TSPAN18: variants seen among roughly 807,000 people sequenced by gnomAD.
The protein encoded by TSPAN18 is tetraspanin 18.
TSPAN18 carries 14 observed loss-of-function variants against 27.3 expected under a neutral mutation model. That is an observed-to-expected ratio of 0.51 (90% CI 0.34 to 0.80). The LOEUF is 0.80. Among genes scored for constraint, TSPAN18 ranks in the 30% least tolerant of loss-of-function variants. TSPAN18 has a pLI of 0.01. For missense variants in TSPAN18, 268 were observed against 323.9 expected (o/e 0.83, Z 1.32); for synonymous variants, 143 against 136.5 (o/e 1.05, Z -0.33).
At chr11:44,888,076 A>G (rs1037887766) in intron 3 of TSPAN18, among the ~76,000 whole-genome samples, 4 of 152,164 alleles carry the variant, frequency 2.6e-5, no homozygotes, top group Non-Finnish European at 5.9e-5. Context: ...GAAGCGGCAG[A>G]AACTGAGTCA....
At chr11:44,909,922 C>G in intron 5 of TSPAN18, 23 bp downstream of exon 5, 2 of 1,594,062 alleles carry the variant, frequency 1.3e-6, no homozygotes, top group South Asian at 2.2e-5. Flanking sequence ...GCCCCCACCC[C>G]ATCCATGGGT....
At chr11:44,833,815 G>A (rs1857206339) in intron 2 of TSPAN18, among the ~76,000 whole-genome samples, 1 of 151,834 alleles carries the variant, frequency 6.6e-6, no homozygotes, top group Non-Finnish European at 1.5e-5. Flanking sequence ...CACCTGGTGG[G>A]TCTCTGGGAT....
intron 2 of TSPAN18, among the ~76,000 whole-genome samples, chr11:44,794,785 T>C (rs962039255): frequency 1.3e-5 from 2 of 152,176 alleles, no homozygotes; most frequent in East Asian, 3.9e-4. Flanking sequence ...CTCAGCTTCT[T>C]CATCTATAAA....
At chr11:44,761,234 G>A (rs545542124) in intron 1 of TSPAN18, among the ~76,000 whole-genome samples, 1 of 152,272 alleles carries the variant, frequency 6.6e-6, no homozygotes, top group South Asian at 2.1e-4. Flanking sequence ...AGACTAATCG[G>A]GTCAAGGGTG....
At chr11:44,735,174 C>T (rs1018167592) in intron 1 of TSPAN18, among the ~76,000 whole-genome samples, 5 of 152,188 alleles carry the variant, frequency 3.3e-5, no homozygotes, top group Non-Finnish European at 5.9e-5. Context: ...GACTCAGGCA[C>T]GGAGGCCAGG....
intron 3 of TSPAN18, among the ~76,000 whole-genome samples, chr11:44,898,984 A>T (rs1488003181): frequency 6.6e-6 from 1 of 152,156 alleles, no homozygotes; most frequent in Non-Finnish European, 1.5e-5. Flanking sequence ...TAAGCACAGG[A>T]CCTTCCCATG....
Position 44,919,796 on chromosome 11 carries a change from TTCTCTGGGA to T in TSPAN18, c.433-16_433-8del. ...TGTCCTCCTCCTGCCCACCAGAACC[TTCTCTGGGA>T]TCTCCCCCTAGTTTGGTTGCTGCGG... On this transcript the variant is annotated splice_polypyrimidine_tract_variant and intron_variant, in intron 7 of 9. Transcript: ENST00000520358. 2 of 1,613,678 alleles carry T rather than the reference TTCTCTGGGA, an allele frequency of 1.2e-6. No individual in the cohort carries two copies. Among genetic ancestry groups the T allele is most frequent in the Non-Finnish European group, 1.7e-6 (2 of 1,179,648 alleles).
In TSPAN18 at chr11:44,928,247, G is replaced by A. The variant is rs1031510533; in HGVS notation, c.700-884G>A. On this transcript the variant is annotated intron_variant, in intron 9 of 9. Transcript: ENST00000520358. Reference sequence around the variant, plus strand: ...GCTCATAACTCCGGGAAGGGCTGCAGCTGCCTGCCTATTCATAGCAGTCCT... The same window carrying A: ...GCTCATAACTCCGGGAAGGGCTGCAACTGCCTGCCTATTCATAGCAGTCCT... Among the ~76,000 whole-genome samples the A allele has an allele frequency of 3.3e-5, 5 of 152,266 alleles. No individual in the cohort carries two copies. In the South Asian group the frequency reaches 1.0e-3, roughly 31 times the overall value.
intron 2 of TSPAN18, among the ~76,000 whole-genome samples, chr11:44,816,649 G>C (rs1471061437): frequency 6.6e-6 from 1 of 152,210 alleles, no homozygotes; most frequent in Non-Finnish European, 1.5e-5. Flanking sequence ...ATGAGTTGAT[G>C]AGAAGCTGGT....
At chr11:44,767,015 C>T (rs906241702) in intron 2 of TSPAN18, among the ~76,000 whole-genome samples, 1 of 152,168 alleles carries the variant, frequency 6.6e-6, no homozygotes, top group Non-Finnish European at 1.5e-5. Context: ...ATAGTGTAGC[C>T]TCCCAAGGTG....
intron 3 of TSPAN18, among the ~76,000 whole-genome samples, chr11:44,888,590 G>A (rs1858738780): frequency 6.6e-6 from 1 of 152,190 alleles, no homozygotes; most frequent in Admixed American, 6.5e-5. Flanking sequence ...CTGGGGCTGG[G>A]CTTGGCTTGG....
intron 9 of TSPAN18, among the ~76,000 whole-genome samples, chr11:44,928,666 G>C (rs1350077654): frequency 6.6e-6 from 1 of 152,138 alleles, no homozygotes; most frequent in East Asian, 1.9e-4. Context: ...CATGCCTGTA[G>C]TCCCAGCTAC....
At chr11:44,741,445 G>GTA (rs757529515) in intron 1 of TSPAN18, among the ~76,000 whole-genome samples, 2 of 136,074 alleles carry the variant, frequency 1.5e-5, no homozygotes, top group South Asian at 2.4e-4. Context: ...TCTCAGACAT[G>GTA]TATGTGTGTG....
intron 5 of TSPAN18, among the ~76,000 whole-genome samples, chr11:44,914,081 C>T (rs1859819473): frequency 6.6e-6 from 1 of 152,242 alleles, no homozygotes; most frequent in Non-Finnish European, 1.5e-5. Flanking sequence ...GGCCCACTTC[C>T]TCCAGTCCAC....
intron 2 of TSPAN18, among the ~76,000 whole-genome samples, chr11:44,796,419 G>T (rs1390864877): frequency 1.3e-5 from 2 of 152,106 alleles, no homozygotes; most frequent in African/African-American, 2.4e-5. Flanking sequence ...TGCCATGGAA[G>T]AATTATTCTC....
chr11:44,924,544 T>A (rs1237121074), intron 8 of TSPAN18, among the ~76,000 whole-genome samples: 1 of 152,066 alleles, frequency 6.6e-6, no homozygotes, highest in Non-Finnish European at 1.5e-5. Context: ...GTGTGTGTGT[T>A]GGGGCTGCAG....
chr11:44,910,987 T>G (rs191170645), intron 5 of TSPAN18, among the ~76,000 whole-genome samples: 10 of 152,300 alleles, frequency 6.6e-5, no homozygotes, highest in Admixed American at 1.3e-4. Flanking sequence ...AGACAAGCAG[T>G]GGGTCTTCTC....
intron 3 of TSPAN18, among the ~76,000 whole-genome samples, chr11:44,876,273 G>A (rs1330895283): frequency 6.6e-6 from 1 of 152,194 alleles, no homozygotes; most frequent in Non-Finnish European, 1.5e-5. Flanking sequence ...GAGGACAGGG[G>A]CTGACTCCAG....
intron 3 of TSPAN18, among the ~76,000 whole-genome samples, chr11:44,884,704 G>A (rs1269731610): frequency 2.0e-5 from 3 of 152,204 alleles, no homozygotes; most frequent in South Asian, 2.1e-4. Context: ...CCCTCATGAT[G>A]ACACTGGGAG....
Sources: allele counts gnomAD v4.1 joint callset (sites outside exome capture counted in the v4.1 genomes callset), GRCh38; gene constraint gnomAD v4.1.1; transcripts MANE v1.5; gene names NCBI Gene and HGNC (gene_info 2026-07-23, HGNC 2026-07-21).